The following MYCBP2 variants were observed in gnomAD, a reference collection of about 807,000 sequenced individuals.
MYCBP2 encodes the protein MYC binding protein 2.
A neutral mutation model predicts 525.3 loss-of-function variants in MYCBP2; 120 were observed. That is an observed-to-expected ratio of 0.23 (90% CI 0.20 to 0.27). MYCBP2 has a LOEUF of 0.27. Ranked by LOEUF, MYCBP2 falls within the 10% of genes least tolerant of loss-of-function variation. The pLI, the probability that MYCBP2 is intolerant of heterozygous loss-of-function variation, is 1.00. For synonymous variants in MYCBP2, 1,894 were observed against 1,955.8 expected (o/e 0.97, Z 0.83); for missense variants, 4,149 against 5,657.1 (o/e 0.73, Z 8.55).
rs1308743538 is a variant in MYCBP2, at chr13:77,257,640, A to G, written c.2176+31T>C. ...TGAAAAACTAATGAAAAGACAACAC[A>G]AATTTTAATATCTAAGAATTAAAGA... On this transcript the variant is annotated intron_variant, in intron 14 of 82. Transcript: ENST00000544440. 4.6e-6 allele frequency: 7 copies of G among 1,508,250 alleles called. No individual in the cohort carries two copies. In the South Asian group the frequency reaches 9.8e-5, roughly 21 times the overall value. The allele number at this position is 1,508,250 out of a possible 1,614,324, so 93.4% of individuals were successfully genotyped here. A position where few individuals can be genotyped will look rare whatever the true frequency, so the allele number is the denominator to read the frequency against.
rs767891348 is a variant in MYCBP2 at position 77,263,622 on chromosome 13, T to G, written c.1570+29A>C. The G allele has an allele frequency of 5.1e-6, 8 of 1,582,862 alleles. No homozygotes were observed. The East Asian group carries it at 1.3e-4, about 27-fold the overall frequency. ...GTATGAAAAATTGAAAATTAAAATATAGGGAAAACACTTAATTTGCTATCT... is the reference window on the plus strand; with the variant it reads ...GTATGAAAAATTGAAAATTAAAATAGAGGGAAAACACTTAATTTGCTATCT... On this transcript the variant is annotated intron_variant, in intron 10 of 82. Coordinates refer to ENST00000544440, the MANE Select transcript of MYCBP2 (RefSeq NM_015057.5).
chr13:77,316,201 A>G (rs1256523037), intron 1 of MYCBP2, among the ~76,000 whole-genome samples: 2 of 152,240 alleles, frequency 1.3e-5, no homozygotes, highest in Middle Eastern at 3.2e-3. Context: ...TAAAGTTAAT[A>G]AATGAGCTTA....
intron 54 of MYCBP2, among the ~76,000 whole-genome samples, chr13:77,122,707 A>C (rs1326758287): frequency 6.6e-6 from 1 of 151,886 alleles, no homozygotes; most frequent in African/African-American, 2.4e-5. Context: ...AAAAAAAAAA[A>C]AAGTCAATAG....
rs532149170 is a variant in MYCBP2 at position 77,048,727 on chromosome 13, C to T, written c.13921+2270G>A. Among the ~76,000 whole-genome samples, 16 of 152,176 alleles carry T rather than the reference C, an allele frequency of 1.1e-4. No individual in the cohort carries two copies. In the South Asian group the frequency reaches 2.5e-3, roughly 24 times the overall value. On this transcript the variant is annotated intron_variant, in intron 82 of 82. Coordinates refer to ENST00000544440, the MANE Select transcript of MYCBP2 (RefSeq NM_015057.5). ...AAATATGTGTGAAAATGCCCAGGAC[C>T]GAGGTCATTCCTTCCTTCTGCCAAC...
At chr13:77,321,281 T>A (rs900440043) in intron 1 of MYCBP2, among the ~76,000 whole-genome samples, 1 of 152,226 alleles carries the variant, frequency 6.6e-6, no homozygotes, top group African/African-American at 2.4e-5. Flanking sequence ...GTTAGGAAAC[T>A]AATTCATTTC....
At chr13:77,140,012 C>T (rs1007291594) in intron 51 of MYCBP2, 35 bp downstream of exon 51, 6 of 1,475,258 alleles carry the variant, frequency 4.1e-6, no homozygotes, top group African/African-American at 1.4e-5. Context: ...ACTTTCTGTC[C>T]AAAATTTACT....
chr13:77,184,219 T>C (rs548616840), intron 32 of MYCBP2, among the ~76,000 whole-genome samples: 2 of 152,354 alleles, frequency 1.3e-5, no homozygotes, highest in South Asian at 4.1e-4. Flanking sequence ...ATTTTAAAAT[T>C]TCCTTTATAA....
At chr13:77,197,314 G>C (rs1012575911) in intron 26 of MYCBP2, among the ~76,000 whole-genome samples, 2 of 152,094 alleles carry the variant, frequency 1.3e-5, no homozygotes, top group African/African-American at 2.4e-5. Flanking sequence ...CTTTGCCTAG[G>C]GTAGTGGTAG....
chr13:77,249,990 G>A (rs953567195), intron 15 of MYCBP2, among the ~76,000 whole-genome samples: 13 of 152,036 alleles, frequency 8.6e-5, no homozygotes, highest in Middle Eastern at 3.2e-3. Flanking sequence ...TTGGGAGGCC[G>A]AGGCGGGCGG....
intron 55 of MYCBP2, among the ~76,000 whole-genome samples, chr13:77,101,206 T>A (rs1309096321): frequency 6.6e-6 from 1 of 152,100 alleles, no homozygotes; most frequent in African/African-American, 2.4e-5. Flanking sequence ...TTATATTTGG[T>A]ATCCCTTTCT....
At position 77,270,407 on chromosome 13, in the gene MYCBP2, T is replaced by C; in HGVS notation, c.1077A>G (p.Ile359Met). 2.5e-6 allele frequency: 4 copies of C among 1,613,774 alleles called. No individual in the cohort carries two copies. Among genetic ancestry groups the C allele is most frequent in the Non-Finnish European group, 3.4e-6 (4 of 1,179,830 alleles). The change falls in exon 6 of 83, where the codon ATA becomes ATG. Residue 359 changes from isoleucine to methionine, a missense_variant. Ile to Met is a conservative substitution (Grantham distance 10). Around this residue, in one of 21 missense-constraint regions of MYCBP2, gnomAD observed 413 missense variants for 451.2 expected, o/e 0.92. Transcript: ENST00000544440. ...GACATTGGTCATCTTCATCAACAGATATTTCTTTTAATGGCCACTTGTGCA... is the reference window on the plus strand; with the variant it reads ...GACATTGGTCATCTTCATCAACAGACATTTCTTTTAATGGCCACTTGTGCA... ...ALMHKWPLKEISVDEDDQCLL... is the reference protein window; with the variant it reads ...ALMHKWPLKEMSVDEDDQCLL...
chr13:77,308,731 A>G (rs1012234537), intron 1 of MYCBP2, among the ~76,000 whole-genome samples: 1 of 152,238 alleles, frequency 6.6e-6, no homozygotes, highest in Non-Finnish European at 1.5e-5. Context: ...AAAGTAAAAC[A>G]GGGAAAAGAA....
At chr13:77,115,926 A>C (rs780556789) in intron 55 of MYCBP2, among the ~76,000 whole-genome samples, 4 of 151,628 alleles carry the variant, frequency 2.6e-5, no homozygotes, top group Non-Finnish European at 5.9e-5. Flanking sequence ...ACCTAGTTTA[A>C]ATATAAATTA....
Position 77,045,201 on chromosome 13 carries a change from C to G in MYCBP2, c.*177G>C, listed in dbSNP as rs912174356. The stretch of plus-strand genomic sequence containing the variant: ...AAGATAAACCAAAATAATGGGGAAA[C>G]TTTTCATAGCAAGAATTATGTACAT... On this transcript the variant is annotated 3_prime_UTR_variant, in exon 83 of 83. Coordinates refer to ENST00000544440, the MANE Select transcript of MYCBP2 (RefSeq NM_015057.5). The G allele has an allele frequency of 6.3e-6, 3 of 477,250 alleles. No homozygotes were observed. The highest frequency in any genetic ancestry group is 2.0e-5 in the African/African-American group (1 of 51,044). The allele number at this position is 477,250 out of a possible 1,614,324, so 29.6% of individuals were successfully genotyped here.
At chr13:77,258,588 T>G (rs2072661601) in intron 13 of MYCBP2, among the ~76,000 whole-genome samples, 1 of 152,224 alleles carries the variant, frequency 6.6e-6, no homozygotes, top group Admixed American at 6.5e-5. Flanking sequence ...CATTATTAGC[T>G]CAGATATCAC....
chr13:77,281,398 AAAAT>A (rs1411262886), intron 3 of MYCBP2, among the ~76,000 whole-genome samples: 3 of 152,084 alleles, frequency 2.0e-5, no homozygotes, highest in Admixed American at 6.5e-5. Flanking sequence ...TATAATTAGC[AAAAT>A]AAATAAATGT....
chr13:77,162,226 G>A (rs1189680407), intron 43 of MYCBP2, among the ~76,000 whole-genome samples: 3 of 152,112 alleles, frequency 2.0e-5, no homozygotes, highest in African/African-American at 7.2e-5. Context: ...GAATATAAAT[G>A]TATACTTTCT....
chr13:77,180,755 A>G (rs1427129984), intron 33 of MYCBP2, among the ~76,000 whole-genome samples: 2 of 152,056 alleles, frequency 1.3e-5, no homozygotes, highest in Non-Finnish European at 2.9e-5. Flanking sequence ...TCTCTACAAA[A>G]TGTTTTTTTA....
chr13:77,284,754 G>A (rs2076560037), intron 3 of MYCBP2, among the ~76,000 whole-genome samples: 3 of 151,990 alleles, frequency 2.0e-5, no homozygotes, highest in East Asian at 1.9e-4. Context: ...ATCATTTACC[G>A]AGCACTTCTT....
Sources: gnomAD v4.1 joint callset for allele counts (sites outside exome capture counted in the v4.1 genomes callset) on GRCh38, gnomAD v4.1.1 for gene constraint, gnomAD v4.1.1 regional missense constraint, MANE v1.5 for transcripts, NCBI Gene and HGNC (gene_info 2026-07-23, HGNC 2026-07-21) for gene names.